CPA6: variants seen among roughly 807,000 people sequenced by gnomAD.
CPA6 encodes carboxypeptidase A6.
In CPA6, 58 loss-of-function variants were observed where a neutral mutation model predicts 63.3. That is an observed-to-expected ratio of 0.92 (90% CI 0.74 to 1.14). CPA6 has a LOEUF of 1.14. Among genes scored for constraint, CPA6 ranks in the 50% most tolerant of loss-of-function variants. The pLI is 0.00. For synonymous variants in CPA6, 185 were observed against 179.0 expected (o/e 1.03, Z -0.27); for missense variants, 565 against 526.6 (o/e 1.07, Z -0.71).
At chr8:67,557,593 C>A (rs1349379115) in intron 2 of CPA6, among the ~76,000 whole-genome samples, 2 of 152,114 alleles carry the variant, frequency 1.3e-5, no homozygotes, top group Non-Finnish European at 2.9e-5. Context: ...CCTCCCCAAC[C>A]CCCTATTTTC....
intron 2 of CPA6, among the ~76,000 whole-genome samples, chr8:67,526,264 A>C (rs1812360804): frequency 6.6e-6 from 1 of 152,074 alleles, no homozygotes; most frequent in Admixed American, 6.5e-5. Context: ...AAGGTGGGAG[A>C]AACAAAATGG....
intron 1 of CPA6, among the ~76,000 whole-genome samples, chr8:67,741,122 G>C (rs2129004304): frequency 6.6e-6 from 1 of 152,174 alleles, no homozygotes; most frequent in East Asian, 1.9e-4. Context: ...CAAAGAAGAA[G>C]GGGGAAGAAA....
intron 1 of CPA6, among the ~76,000 whole-genome samples, chr8:67,660,830 T>A (rs899277683): frequency 2.0e-5 from 3 of 152,172 alleles, no homozygotes; most frequent in Non-Finnish European, 4.4e-5. Context: ...TTGTTATAGT[T>A]CACTTGAAAG....
At chr8:67,463,542 A>AT (rs1375839707) in intron 8 of CPA6, among the ~76,000 whole-genome samples, 5 of 152,154 alleles carry the variant, frequency 3.3e-5, no homozygotes, top group African/African-American at 1.2e-4. Context: ...TTTATTTTAA[A>AT]TTTGGAGATA....
chr8:67,633,421 C>G (rs1049608768), intron 1 of CPA6, among the ~76,000 whole-genome samples: 2 of 152,206 alleles, frequency 1.3e-5, no homozygotes, highest in Non-Finnish European at 2.9e-5. Context: ...TTGGCTCACG[C>G]CTGTAATCCC....
At chr8:67,570,014 A>G (rs973756348) in intron 2 of CPA6, 1 of 153,614 alleles carries the variant, frequency 6.5e-6, no homozygotes, top group African/African-American at 2.4e-5. Flanking sequence ...TCAAGAACAA[A>G]GGCAGTTCAA....
intron 1 of CPA6, among the ~76,000 whole-genome samples, chr8:67,665,071 T>C (rs933199364): frequency 1.3e-5 from 2 of 152,040 alleles, no homozygotes; most frequent in Non-Finnish European, 2.9e-5. Flanking sequence ...CTTACGCTTC[T>C]GGAAAAAAAA....
intron 1 of CPA6, among the ~76,000 whole-genome samples, chr8:67,650,893 C>T (rs905412045): frequency 4.6e-5 from 7 of 152,054 alleles, no homozygotes; most frequent in Non-Finnish European, 5.9e-5. Flanking sequence ...AGGGAATAAT[C>T]TTGTCAGGCT....
chr8:67,614,347 A>G (rs421352), intron 2 of CPA6, among the ~76,000 whole-genome samples: 53,543 of 152,154 alleles, frequency 0.35, 9,997 homozygotes, highest in East Asian at 0.51. Flanking sequence ...CCCTTTCATC[A>G]GTACATGGAA....
chr8:67,673,377 A>ATTATTATTAT (rs1465769037), intron 1 of CPA6, among the ~76,000 whole-genome samples: 10 of 131,128 alleles, frequency 7.6e-5, no homozygotes, highest in Admixed American at 1.5e-4. Context: ...TATTATTATT[A>ATTATTATTAT]TTATTTATTT....
chr8:67,664,118 G>A (rs548586655), intron 1 of CPA6, among the ~76,000 whole-genome samples: 1 of 152,220 alleles, frequency 6.6e-6, no homozygotes, highest in South Asian at 2.1e-4. Context: ...ATTCATTGTG[G>A]TGGTCTCACA....
At chr8:67,444,825 T>G in intron 8 of CPA6, among the ~76,000 whole-genome samples, 1 of 148,268 alleles carries the variant, frequency 6.7e-6, no homozygotes. Context: ...CTTCAAACTG[T>G]GGGGAATATC....
rs187135340 is a variant in CPA6 at position 67,597,283 on chromosome 8, C to T, written c.192+26893G>A. On this transcript the variant is annotated intron_variant, in intron 2 of 10. Transcript: ENST00000297770. ...GCGTGATCTCAGCTCCCTGCAAACT[C>T]CGCCTCCCAGGTTCAAGCAATTCTC... Among the ~76,000 whole-genome samples the T allele has an allele frequency of 2.0e-4, 30 of 150,754 alleles. No individual in the cohort carries two copies. In the East Asian group the frequency reaches 5.9e-3, roughly 30 times the overall value.
intron 2 of CPA6, among the ~76,000 whole-genome samples, chr8:67,616,461 G>A (rs952774668): frequency 3.3e-5 from 5 of 150,432 alleles, no homozygotes; most frequent in Non-Finnish European, 5.9e-5. Context: ...GAGAAGTTAG[G>A]TAACTGTCAT....
At chr8:67,718,877 C>A (rs1333636787) in intron 1 of CPA6, among the ~76,000 whole-genome samples, 1 of 152,092 alleles carries the variant, frequency 6.6e-6, no homozygotes, top group Non-Finnish European at 1.5e-5. Flanking sequence ...AATCTCCTGA[C>A]CTTGTGATCT....
intron 1 of CPA6, among the ~76,000 whole-genome samples, chr8:67,703,443 TC>T (rs1475134051): frequency 6.6e-6 from 1 of 152,162 alleles, no homozygotes; most frequent in Non-Finnish European, 1.5e-5. Context: ...TAAAATTGGA[TC>T]TTTCCCCAAA....
intron 2 of CPA6, among the ~76,000 whole-genome samples, chr8:67,615,243 T>C (rs1446037179): frequency 6.6e-6 from 1 of 152,186 alleles, no homozygotes; most frequent in Non-Finnish European, 1.5e-5. Context: ...TAAAAGAATC[T>C]TCAACTAAAC....
At chr8:67,644,379 A>G (rs1291481987) in intron 1 of CPA6, among the ~76,000 whole-genome samples, 1 of 152,120 alleles carries the variant, frequency 6.6e-6, no homozygotes, top group East Asian at 1.9e-4. Flanking sequence ...CGGCCTCCCA[A>G]AGTGCTGGGA....
In CPA6 at chr8:67,596,719, C is replaced by T. The variant is rs183927377; in HGVS notation, c.192+27457G>A. ...TTTTGCAAGTTATACCACTAATGTT[C>T]TTTTTCTTGTCCAGGATTCAACTCA... On this transcript the variant is annotated intron_variant, in intron 2 of 10. Transcript: ENST00000297770. Among the ~76,000 whole-genome samples, 29 of 152,254 alleles carry T rather than the reference C, an allele frequency of 1.9e-4. No individual in the cohort carries two copies. In the East Asian group the frequency reaches 5.6e-3, roughly 29 times the overall value.
Sources: gnomAD v4.1 joint callset for allele counts (sites outside exome capture counted in the v4.1 genomes callset) on GRCh38, gnomAD v4.1.1 for gene constraint, MANE v1.5 for transcripts, NCBI Gene and HGNC (gene_info 2026-07-23, HGNC 2026-07-21) for gene names.